The following ZZEF1 variants were observed in gnomAD, a reference collection of about 807,000 sequenced individuals.
The protein encoded by ZZEF1 is zinc finger ZZ-type and EF-hand domain-containing protein 1.
Under a neutral mutation model 342.8 loss-of-function variants are expected in ZZEF1, and 157 were observed. The ratio of observed to expected loss-of-function variants is 0.46; its 90% CI spans 0.40 to 0.52. The LOEUF (loss-of-function observed/expected upper bound fraction) is 0.52. ZZEF1 is among the 20% of genes least tolerant of loss of function. The pLI, the probability that ZZEF1 is intolerant of heterozygous loss-of-function variation, is 0.00. For missense variants in ZZEF1, 3,480 were observed against 3,725.6 expected (o/e 0.93, Z 1.72); for synonymous variants, 1,505 against 1,429.1 (o/e 1.05, Z -1.20).
At chr17:4,065,037 T>C (rs9911792) in intron 28 of ZZEF1, among the ~76,000 whole-genome samples, 22,628 of 152,118 alleles carry the variant, frequency 0.15, 1,820 homozygotes, top group African/African-American at 0.2. Context: ...AAAAAAAGTT[T>C]AAATTTATTG....
Position 4,025,107 on chromosome 17 carries a change from G to A in ZZEF1, c.6904C>T (p.Gln2302Ter). 1 of 1,614,066 alleles carries A rather than the reference G, an allele frequency of 6.2e-7. No individual in the cohort carries two copies. The highest frequency in any genetic ancestry group is 8.5e-7 in the Non-Finnish European group (1 of 1,180,032). Residue 2302 changes from glutamine to a stop codon, truncating the protein, a stop_gained, in exon 43 of 55, where the codon CAG (glutamine) becomes TAG (stop). Transcript: ENST00000381638. LOFTEE classifies it high-confidence loss of function. ...TGTCCTCCTCCCTTCTGGACCAGCTGGTAGTCCTTCACTGAAGGGTGACAT... is the reference window on the plus strand; with the variant it reads ...TGTCCTCCTCCCTTCTGGACCAGCTAGTAGTCCTTCACTGAAGGGTGACAT... ...TRKRKTVKDY[Q>*]LVQKGGGQEC...
intron 52 of ZZEF1, among the ~76,000 whole-genome samples, chr17:4,011,093 A>G (rs1286598906): frequency 6.6e-6 from 1 of 151,952 alleles, no homozygotes; most frequent in Non-Finnish European, 1.5e-5. Flanking sequence ...CCACCTCTAA[A>G]AAAAATTAAA....
intron 16 of ZZEF1, 71 bp from the exon 17 acceptor site, chr17:4,082,575 T>C: frequency 2.2e-6 from 3 of 1,394,816 alleles, no homozygotes; most frequent in Non-Finnish European, 3.0e-6. Flanking sequence ...AGAGCGGCAA[T>C]GAAACATCAC....
At chr17:4,083,571 G>A (rs911264220) in intron 16 of ZZEF1, among the ~76,000 whole-genome samples, 1 of 151,858 alleles carries the variant, frequency 6.6e-6, no homozygotes, top group Non-Finnish European at 1.5e-5. Context: ...CCTTGCGGCA[G>A]GTGTCCCCAA....
At chr17:4,076,339 T>C (rs962926525) in intron 21 of ZZEF1, 11 of 178,480 alleles carry the variant, frequency 6.2e-5, no homozygotes, top group Non-Finnish European at 1.1e-4. Context: ...TTCACCGTGT[T>C]AGCCAGGATG....
chr17:4,052,638 A>T (rs2057074109), intron 34 of ZZEF1, among the ~76,000 whole-genome samples: 1 of 152,232 alleles, frequency 6.6e-6, no homozygotes, highest in African/African-American at 2.4e-5. Context: ...AGGCCGAGGC[A>T]GGCAGATCGC....
In ZZEF1 at chr17:4,077,927, G is replaced by A. The variant is rs774767038; in HGVS notation, c.2945C>T (p.Thr982Met). 32 of 1,613,892 alleles carry A rather than the reference G, an allele frequency of 2.0e-5. No individual in the cohort carries two copies. The highest frequency in any genetic ancestry group is 6.7e-5 in the African/African-American group (5 of 74,898). The change falls in exon 19 of 55, where the codon ACG (threonine) becomes ATG (methionine). Residue 982 changes from threonine (T) to methionine (M), a missense_variant. Physicochemically the swap from Thr to Met is moderately conservative, Grantham distance 81. Transcript: ENST00000381638. The part of the protein sequence containing the change: ...LSWCYLQLKS[T>M]DSGAKDLAVD... ...GGCAAGATCTTTGGCTCCAGAGTCC[G>A]TGCTCTTCAGCTGCAGGTAGCACCA...
intron 32 of ZZEF1, among the ~76,000 whole-genome samples, chr17:4,057,110 C>T (rs769575274): frequency 1.3e-5 from 2 of 152,190 alleles, no homozygotes; most frequent in Non-Finnish European, 2.9e-5. Flanking sequence ...TCAAGCTTTG[C>T]GCTCGGTGCC....
intron 19 of ZZEF1, among the ~76,000 whole-genome samples, chr17:4,077,255 G>A (rs546033428): frequency 6.6e-6 from 1 of 152,238 alleles, no homozygotes; most frequent in Non-Finnish European, 1.5e-5. Context: ...TTCCATGCCT[G>A]ACTAACCCAG....
At position 4,142,799 on chromosome 17, in the gene ZZEF1, T is replaced by C. The variant is rs777728798; in HGVS notation, c.97A>G (p.Thr33Ala). The C allele has an allele frequency of 2.8e-6, 4 of 1,407,696 alleles. No individual in the cohort carries two copies. Among genetic ancestry groups the C allele is most frequent in the African/African-American group, 3.0e-5 (2 of 65,794 alleles). The allele number at this position is 1,407,696 out of a possible 1,614,324, so 87.2% of individuals were successfully genotyped here. A position where few individuals can be genotyped will look rare whatever the true frequency, so the allele number is the denominator to read the frequency against. Residue 33 changes from threonine to alanine, a missense_variant, in exon 1 of 55, where the codon ACG (threonine) becomes GCG (alanine). Coordinates refer to ENST00000381638, the MANE Select transcript of ZZEF1 (RefSeq NM_015113.4). ...GCCGCGACGCCCGGGCCGGGGGTCGTGCCCGAGACCGCGGCCCAGTCCTGG... is the reference window on the plus strand; with the variant it reads ...GCCGCGACGCCCGGGCCGGGGGTCGCGCCCGAGACCGCGGCCCAGTCCTGG... ...PHQDWAAVSG[T>A]TPGPGVAAPA...
chr17:4,125,245 C>A (rs1280285702), intron 1 of ZZEF1, among the ~76,000 whole-genome samples: 2 of 152,192 alleles, frequency 1.3e-5, no homozygotes, highest in African/African-American at 4.8e-5. Context: ...TCACACATCG[C>A]TCTCACCATG....
chr17:4,077,026 G>C (rs1455972838), intron 19 of ZZEF1, 37 bp from the exon 20 acceptor site: 1 of 1,535,170 alleles, frequency 6.5e-7, no homozygotes, highest in Non-Finnish European at 8.7e-7. Context: ...ATATTATATA[G>C]TAGAAATGTC....
intron 42 of ZZEF1, 119 bp downstream of exon 42, chr17:4,032,007 C>T (rs930064735): frequency 9.0e-7 from 1 of 1,114,198 alleles, no homozygotes; most frequent in African/African-American, 1.6e-5. Context: ...GGAGCTATAA[C>T]TTGTTCTTTA....
At chr17:4,078,692 A>C (rs1472614904) in intron 18 of ZZEF1, among the ~76,000 whole-genome samples, 1 of 152,234 alleles carries the variant, frequency 6.6e-6, no homozygotes, top group African/African-American at 2.4e-5. Context: ...TCTAGTCCTT[A>C]AAAGAGACAC....
In ZZEF1 at chr17:4,062,930, T is replaced by C. The variant is rs778610591; in HGVS notation, c.4719-13A>G. 1.9e-6 allele frequency: 3 copies of C among 1,596,328 alleles called. No homozygotes were observed. Among genetic ancestry groups the C allele is most frequent in the African/African-American group, 1.3e-5 (1 of 74,420 alleles). On this transcript the variant is annotated splice_polypyrimidine_tract_variant and intron_variant, in intron 29 of 54. Transcript: ENST00000381638. ...AACCTTCACAACACTGGAGACACAA[T>C]GCAAGTCAGGAACACCCAGAAAACT...
chr17:4,060,960 C>T (rs898282557), intron 30 of ZZEF1, among the ~76,000 whole-genome samples: 1 of 152,220 alleles, frequency 6.6e-6, no homozygotes, highest in South Asian at 2.1e-4. Flanking sequence ...CCCACCAACA[C>T]ACAGAAGTAC....
chr17:4,089,527 AAAT>A (rs1178417031), intron 12 of ZZEF1, among the ~76,000 whole-genome samples: 2 of 152,270 alleles, frequency 1.3e-5, no homozygotes, highest in Non-Finnish European at 2.9e-5. Flanking sequence ...TTAAGCAGCC[AAAT>A]AATGATTGGT....
chr17:4,094,322 C>CT (rs894608283), intron 11 of ZZEF1, among the ~76,000 whole-genome samples: 71 of 147,714 alleles, frequency 4.8e-4, no homozygotes, highest in Non-Finnish European at 7.2e-4. Context: ...TTATGTTTTT[C>CT]TTTTTTTTTT....
chr17:4,026,628 T>C (rs1380785556), intron 42 of ZZEF1, among the ~76,000 whole-genome samples: 1 of 151,814 alleles, frequency 6.6e-6, no homozygotes, highest in Admixed American at 6.6e-5. Flanking sequence ...TTCAAGTGAT[T>C]CTCCTGCCTT....
Sources: allele counts gnomAD v4.1 joint callset (sites outside exome capture counted in the v4.1 genomes callset), GRCh38; gene constraint gnomAD v4.1.1; transcripts MANE v1.5; gene names NCBI Gene and HGNC (gene_info 2026-07-23, HGNC 2026-07-21).